The following ZNF718 variants were observed in gnomAD, a reference collection of about 807,000 sequenced individuals.
ZNF718 encodes the protein zinc finger protein 718.
ZNF718 carries 3 observed loss-of-function variants against 2.6 expected under a neutral mutation model. The ratio of observed to expected loss-of-function variants is 1.16; its 90% CI spans 0.53 to 3.01. ZNF718 has a LOEUF of 3.01. Ranked by LOEUF, ZNF718 falls within the 30% of genes most tolerant of loss-of-function variation. The pLI, the probability that ZNF718 is intolerant of heterozygous loss-of-function variation, is 0.03. For synonymous variants in ZNF718, 135 were observed against 77.9 expected (o/e 1.73, Z -3.86); for missense variants, 468 against 230.0 (o/e 2.03, Z -6.69).
At chr4:151,304 C>T (rs943007920) in intron 3 of ZNF718, among the ~76,000 whole-genome samples, 1 of 151,608 alleles carries the variant, frequency 6.6e-6, no homozygotes, top group Non-Finnish European at 1.5e-5. Flanking sequence ...CGGGGTTTCA[C>T]CGTGTTGCCC....
Position 162,181 on chromosome 4 carries a change from T to C in ZNF718, c.*59T>C, listed in dbSNP as rs1163654244. 3 of 625,604 alleles carry C rather than the reference T, an allele frequency of 4.8e-6. No individual in the cohort carries two copies. The highest frequency in any genetic ancestry group is 5.2e-5 in the East Asian group (2 of 38,518). The allele number at this position is 625,604 out of a possible 1,614,324, so 38.8% of individuals were successfully genotyped here. A position where few individuals can be genotyped will look rare whatever the true frequency, so the allele number is the denominator to read the frequency against. On this transcript the variant is annotated 3_prime_UTR_variant, in exon 4 of 4. Transcript: ENST00000510175. ...CTCAGTCTTTTCTAATCATAATTCATACTGGAGAGAAACTCTACACATGAA... is the reference window on the plus strand; with the variant it reads ...CTCAGTCTTTTCTAATCATAATTCACACTGGAGAGAAACTCTACACATGAA...
downstream of ZNF718, among the ~76,000 whole-genome samples, chr4:165,393 G>C (rs1010033219): frequency 2.6e-5 from 4 of 152,122 alleles, no homozygotes; most frequent in Admixed American, 6.5e-5. Context: ...TATGTTAAAT[G>C]AAACATAAGC....
intron 3 of ZNF718, among the ~76,000 whole-genome samples, chr4:184,142 G>A (rs1164422266): frequency 6.6e-6 from 1 of 152,094 alleles, no homozygotes; most frequent in African/African-American, 2.4e-5. Flanking sequence ...TTGGCTGTGG[G>A]TTTGTCATAG....
chr4:191,638 A>G (rs1717695894), intron 3 of ZNF718, among the ~76,000 whole-genome samples: 1 of 152,218 alleles, frequency 6.6e-6, no homozygotes, highest in Non-Finnish European at 1.5e-5. Flanking sequence ...AGAAAAATAA[A>G]TATAAATGGA....
At chr4:133,195 A>AATATATATATAT (rs1164522262) in intron 3 of ZNF718, among the ~76,000 whole-genome samples, 1 of 20,776 alleles carries the variant, frequency 4.8e-5, no homozygotes, top group African/African-American at 1.7e-4. Context: ...AAAAAAAAAA[A>AATATATATATAT]ATATATATAT....
At chr4:136,063 G>A (rs1358081967) in intron 3 of ZNF718, among the ~76,000 whole-genome samples, 1 of 152,138 alleles carries the variant, frequency 6.6e-6, no homozygotes, top group Non-Finnish European at 1.5e-5. Flanking sequence ...TGATGGTTGT[G>A]TTACCGGAGA....
intron 3 of ZNF718, among the ~76,000 whole-genome samples, chr4:179,299 A>G (rs1408174685): frequency 6.6e-6 from 1 of 152,130 alleles, no homozygotes; most frequent in Non-Finnish European, 1.5e-5. Flanking sequence ...CTTTGGAATC[A>G]GTTTTGACAT....
chr4:137,177 A>G (rs1473966175), intron 3 of ZNF718, among the ~76,000 whole-genome samples: 2 of 152,190 alleles, frequency 1.3e-5, no homozygotes, highest in East Asian at 3.9e-4. Context: ...AGGCCTCTCT[A>G]GAAACAGAAG....
chr4:133,217 T>A lies in ZNF718; in HGVS notation c.226+1712T>A, dbSNP rs1400447119. On this transcript the variant is annotated intron_variant, in intron 3 of 3. Transcript: ENST00000510175. ...AAAAATATATATATATATATATATA[T>A]ATATATATATATGGTAACACTAATA... Among the ~76,000 whole-genome samples, 3 of 28,776 alleles carry A rather than the reference T, an allele frequency of 1.0e-4. 1 individual carries two copies. Among genetic ancestry groups the A allele is most frequent in the African/African-American group, 3.5e-4 (3 of 8,474 alleles). The allele number at this position is 28,776 out of a possible 152,430, so 18.9% of individuals were successfully genotyped here.
chr4:130,415 C>G lies in ZNF718; in HGVS notation c.4-373C>G, dbSNP rs1299546002. ...GTCTGAAGAGAAACCATAACGTGTG[C>G]CCTCCCCACAGATCCTGTCTGTTTT... On this transcript the variant is annotated intron_variant, in intron 1 of 3. Coordinates refer to ENST00000510175, the MANE Select transcript of ZNF718 (RefSeq NM_001039127.6). Among the ~76,000 whole-genome samples, 5 of 103,016 alleles carry G rather than the reference C, an allele frequency of 4.9e-5. 2 individuals carry two copies. Among genetic ancestry groups the G allele is most frequent in the Non-Finnish European group, 1.1e-4 (5 of 46,438 alleles). The allele number at this position is 103,016 out of a possible 152,430, so 67.6% of individuals were successfully genotyped here. A position where few individuals can be genotyped will look rare whatever the true frequency, so the allele number is the denominator to read the frequency against.
At chr4:171,536 G>A (rs753730849) in intron 3 of ZNF718, among the ~76,000 whole-genome samples, 53 of 152,040 alleles carry the variant, frequency 3.5e-4, no homozygotes, top group Non-Finnish European at 6.6e-4. Context: ...CTCAAGCCTC[G>A]GCAATGGTGG....
intron 3 of ZNF718, among the ~76,000 whole-genome samples, chr4:192,738 A>T (rs1385652525): frequency 6.6e-6 from 1 of 152,216 alleles, no homozygotes; most frequent in African/African-American, 2.4e-5. Flanking sequence ...GATCTTAGTC[A>T]CGGACTGCAT....
At chr4:146,075 TTCTA>T (rs782329672) in intron 3 of ZNF718, among the ~76,000 whole-genome samples, 6 of 85,104 alleles carry the variant, frequency 7.1e-5, no homozygotes, top group Non-Finnish European at 9.6e-5. Context: ...TGATATAGCC[TTCTA>T]TATATATATA....
chr4:141,614 A>C (rs545661593), intron 3 of ZNF718, among the ~76,000 whole-genome samples: 34 of 152,192 alleles, frequency 2.2e-4, no homozygotes, highest in Non-Finnish European at 4.4e-4. Context: ...TGTGATTGCT[A>C]AAATGATGTT....
chr4:167,905 G>A (rs1476093026), downstream of ZNF718, among the ~76,000 whole-genome samples: 2 of 152,124 alleles, frequency 1.3e-5, no homozygotes, highest in African/African-American at 4.8e-5. Flanking sequence ...GGAGTGGTGA[G>A]AGAGGGCATC....
chr4:175,852 C>CTTTTT (rs1158577358), intron 3 of ZNF718, among the ~76,000 whole-genome samples: 47 of 98,918 alleles, frequency 4.8e-4, no homozygotes, highest in East Asian at 8.2e-4. Flanking sequence ...GATTAACAGT[C>CTTTTT]TTTTTTTTTT....
chr4:154,767 C>A (rs1419532506), intron 3 of ZNF718, among the ~76,000 whole-genome samples: 1 of 152,180 alleles, frequency 6.6e-6, no homozygotes, highest in Non-Finnish European at 1.5e-5. Flanking sequence ...AAGAAAAACC[C>A]ATTTTCTGAA....
intron 3 of ZNF718, among the ~76,000 whole-genome samples, chr4:151,599 G>C (rs1267675311): frequency 2.0e-5 from 3 of 152,026 alleles, no homozygotes; most frequent in African/African-American, 4.8e-5. Context: ...TCCTGCCTCA[G>C]CCTCGCAAGT....
intron 3 of ZNF718, among the ~76,000 whole-genome samples, chr4:182,943 G>T (rs1175679189): frequency 1.3e-5 from 2 of 152,024 alleles, no homozygotes; most frequent in African/African-American, 4.8e-5. Flanking sequence ...TTTCTATTTT[G>T]TAGGTTGTCT....
Sources: gnomAD v4.1 joint callset for allele counts (sites outside exome capture counted in the v4.1 genomes callset) on GRCh38, gnomAD v4.1.1 for gene constraint, MANE v1.5 for transcripts, NCBI Gene and HGNC (gene_info 2026-07-23, HGNC 2026-07-21) for gene names.